The following SAP130 variants were observed in gnomAD, a reference collection of about 807,000 sequenced individuals.
SAP130 encodes Sin3A associated protein 130.
SAP130 carries 16 observed loss-of-function variants against 103.2 expected under a neutral mutation model. That is an observed-to-expected ratio of 0.16 (90% CI 0.10 to 0.24). The LOEUF is 0.24. Ranked by LOEUF, SAP130 falls within the 10% of genes least tolerant of loss-of-function variation. The pLI, the probability that SAP130 is intolerant of heterozygous loss-of-function variation, is 1.00. For missense variants in SAP130, 990 were observed against 1,359.7 expected, an observed-to-expected ratio of 0.73 and a Z score of 4.28; for synonymous variants, 477 against 497.0, an observed-to-expected ratio of 0.96 and a Z score of 0.53.
chr2:127,998,904 G>A (rs939526394), intron 10 of SAP130, among the ~76,000 whole-genome samples: 1 of 152,240 alleles, frequency 6.6e-6, no homozygotes, highest in Admixed American at 6.5e-5. Flanking sequence ...TAGCACTCAG[G>A]AGAGCTGATG....
intron 15 of SAP130, among the ~76,000 whole-genome samples, chr2:127,959,359 T>A (rs1481281362): frequency 1.3e-5 from 2 of 152,134 alleles, no homozygotes; most frequent in Non-Finnish European, 2.9e-5. Context: ...CTGTAGACAA[T>A]AATTGCTATA....
chr2:127,973,995 T>C (rs1468505784), intron 15 of SAP130, among the ~76,000 whole-genome samples: 1 of 152,084 alleles, frequency 6.6e-6, no homozygotes, highest in Non-Finnish European at 1.5e-5. Flanking sequence ...GAGCTGAGAT[T>C]GCACCACTAC....
intron 7 of SAP130, among the ~76,000 whole-genome samples, chr2:128,007,088 C>T (rs773163135): frequency 6.6e-6 from 1 of 152,174 alleles, no homozygotes; most frequent in Admixed American, 6.5e-5. Context: ...GGAAAAGATA[C>T]TTTGACAAAA....
chr2:127,977,998 G>C lies in SAP130; in HGVS notation c.2050C>G (p.Pro684Ala). The C allele has an allele frequency of 1.9e-6, 3 of 1,551,820 alleles. No individual in the cohort carries two copies. Among genetic ancestry groups the C allele is most frequent in the Non-Finnish European group, 2.6e-6 (3 of 1,146,792 alleles). ...ESSMRSTSGS[P>A]RPAGAKPKSE... ...TTAGGTGCTCACCCTGCAGGCCTAG[G>C]TGACCCAGACGTACTCCGCATAGAG... The change falls in exon 15 of 21, where the codon CCT becomes GCT. Residue 684 changes from proline (P) to alanine (A), a missense_variant. By Grantham distance (27) the Pro-to-Ala change is conservative (BLOSUM62 -1). Around this residue, in one of 6 missense-constraint regions of SAP130, gnomAD observed 349 missense variants for 384.1 expected, o/e 0.91. Transcript: ENST00000643581.
intron 7 of SAP130, among the ~76,000 whole-genome samples, chr2:128,006,994 T>C (rs1684026604): frequency 6.6e-6 from 1 of 152,260 alleles, no homozygotes; most frequent in Non-Finnish European, 1.5e-5. Flanking sequence ...ACTTGTAGTA[T>C]ATTGCTAGTG....
rs144543055 is a variant in SAP130 at position 127,967,805 on chromosome 2, T to C, written c.2063+10180A>G. 7.5e-4 allele frequency among the ~76,000 whole-genome samples: 114 copies of C among 152,216 alleles called. 1 individual carries two copies. The East Asian group carries it at 0.019, about 26-fold the overall frequency. On this transcript the variant is annotated intron_variant, in intron 15 of 20. Transcript: ENST00000643581. The stretch of plus-strand genomic sequence containing the variant: ...CACTAAACAAACTAGACCTAACAGA[T>C]ATATAGAATACTCCACCCAACAACA...
At chr2:128,017,649 T>C in intron 3 of SAP130, 31 bp downstream of exon 3, 1 of 1,567,894 alleles carries the variant, frequency 6.4e-7, no homozygotes, top group Non-Finnish European at 8.8e-7. Context: ...CGAGCTCTGG[T>C]TCAGTGTGAA....
intron 2 of SAP130, among the ~76,000 whole-genome samples, chr2:128,018,730 T>C (rs1447995221): frequency 6.6e-6 from 1 of 150,924 alleles, no homozygotes; most frequent in Admixed American, 6.6e-5. Context: ...AGGTCAAGGC[T>C]GCAGTGAGCC....
At chr2:128,026,442 T>C (rs1685501043) in intron 1 of SAP130, 144 bp from the exon 2 acceptor site, 1 of 607,424 alleles carries the variant, frequency 1.6e-6, no homozygotes, top group African/African-American at 1.8e-5. Context: ...TAACTTGGGA[T>C]CAATATAAAT....
intron 11 of SAP130, among the ~76,000 whole-genome samples, 177 bp from the exon 12 acceptor site, chr2:127,993,485 A>C (rs1181667487): frequency 6.6e-6 from 1 of 152,166 alleles, no homozygotes; most frequent in Non-Finnish European, 1.5e-5. Context: ...AAAATTAAAA[A>C]AAAAAAAAGT....
In SAP130 at chr2:128,012,378, G is replaced by C. The variant is rs536175898; in HGVS notation, c.744+652C>G. 2.6e-5 allele frequency among the ~76,000 whole-genome samples: 4 copies of C among 152,206 alleles called. No homozygotes were observed. The South Asian group carries it at 8.3e-4, about 32-fold the overall frequency. On this transcript the variant is annotated intron_variant, in intron 6 of 20. Coordinates refer to ENST00000643581, the MANE Select transcript of SAP130 (RefSeq NM_001330301.2). The stretch of plus-strand genomic sequence containing the variant: ...CCAAGTACTTGGAAGGCTGAGGCAG[G>C]AGAATCGCTTGAACCCAGGAAGCAG...
In SAP130 at chr2:128,003,655, C is replaced by T. The variant is rs73955789; in HGVS notation, c.870-3201G>A. ...TTTAACATCGACAGGTCCATAGTGA[C>T]TCACCCACACGTACCAAAAACAGTC... On this transcript the variant is annotated intron_variant, in intron 7 of 20. Coordinates refer to ENST00000643581, the MANE Select transcript of SAP130 (RefSeq NM_001330301.2). Among the ~76,000 whole-genome samples the T allele has an allele frequency of 4.7e-3, 712 of 152,080 alleles. 11 individuals carry two copies. Among genetic ancestry groups the T allele is most frequent in the African/African-American group, 0.015 (608 of 41,488 alleles).
At chr2:127,966,914 T>A (rs1226957456) in intron 15 of SAP130, among the ~76,000 whole-genome samples, 2 of 152,186 alleles carry the variant, frequency 1.3e-5, no homozygotes, top group Non-Finnish European at 2.9e-5. Context: ...TTCATATCAA[T>A]CTAGTTTGCA....
At chr2:128,000,010 G>GCC in intron 9 of SAP130, 46 bp downstream of exon 9, 1 of 1,563,138 alleles carries the variant, frequency 6.4e-7, no homozygotes, top group Non-Finnish European at 8.8e-7. Context: ...CATCACTCTT[G>GCC]CCTCCTTTTT....
chr2:127,971,099 T>C (rs1002401981), intron 15 of SAP130, among the ~76,000 whole-genome samples: 2 of 151,278 alleles, frequency 1.3e-5, no homozygotes, highest in African/African-American at 4.9e-5. Flanking sequence ...TACAGGCCCA[T>C]ACCACCACAC....
intron 15 of SAP130, among the ~76,000 whole-genome samples, chr2:127,960,446 T>C (rs1680159113): frequency 6.6e-6 from 1 of 152,198 alleles, no homozygotes; most frequent in Admixed American, 6.5e-5. Context: ...TTTAACTCAT[T>C]GAGAGCAGTT....
At chr2:127,957,442 T>G (rs1465397392) in intron 15 of SAP130, among the ~76,000 whole-genome samples, 1 of 152,196 alleles carries the variant, frequency 6.6e-6, no homozygotes, top group African/African-American at 2.4e-5. Context: ...TGGGAGGCCA[T>G]GGCAGGAAGA....
At position 128,000,463 on chromosome 2, in the gene SAP130, A is replaced by G. The variant is rs375409874; in HGVS notation, c.870-9T>C. Reference sequence around the variant, plus strand: ...TAGACAAGGTTGGCCTACTGAAAAGATAACAAAGACACAATGCAGATGGGC... The same window carrying G: ...TAGACAAGGTTGGCCTACTGAAAAGGTAACAAAGACACAATGCAGATGGGC... On this transcript the variant is annotated splice_polypyrimidine_tract_variant and intron_variant, in intron 7 of 20. Transcript: ENST00000643581. 26 of 1,614,008 alleles carry G rather than the reference A, an allele frequency of 1.6e-5. No individual in the cohort carries two copies. In the East Asian group the frequency reaches 4.0e-4, roughly 25 times the overall value.
At chr2:127,982,011 C>A (rs919050970) in intron 14 of SAP130, among the ~76,000 whole-genome samples, 1 of 152,108 alleles carries the variant, frequency 6.6e-6, no homozygotes, top group East Asian at 1.9e-4. Flanking sequence ...CTTACAGTAA[C>A]ATTGTTTCTT....
Sources: gnomAD v4.1 joint callset for allele counts (sites outside exome capture counted in the v4.1 genomes callset) on GRCh38, gnomAD v4.1.1 for gene constraint, gnomAD v4.1.1 regional missense constraint, MANE v1.5 for transcripts, NCBI Gene and HGNC (gene_info 2026-07-23, HGNC 2026-07-21) for gene names.